Variants in FBN2 observed in about 807,000 individuals in gnomAD.
The protein encoded by FBN2 is fibrillin 2, also known as fibrillin-2.
FBN2 carries 105 observed loss-of-function variants against 355.6 expected under a neutral mutation model. That is an observed-to-expected ratio of 0.30 (90% CI 0.25 to 0.35). FBN2 has a LOEUF of 0.35. Among genes scored for constraint, FBN2 ranks in the 10% least tolerant of loss-of-function variants. The probability of loss-of-function intolerance (pLI) is 1.00; values close to 1 mark genes in which losing one functional copy is unlikely to be tolerated. For synonymous variants in FBN2, 1,350 were observed against 1,301.2 expected, an observed-to-expected ratio of 1.04 and a Z score of -0.81; for missense variants, 3,280 against 3,758.7, an observed-to-expected ratio of 0.87 and a Z score of 3.33.
At chr5:128,271,171 A>G (rs946236495) in intron 62 of FBN2, among the ~76,000 whole-genome samples, 3 of 152,218 alleles carry the variant, frequency 2.0e-5, no homozygotes, top group African/African-American at 4.8e-5. Flanking sequence ...CAATAATTCA[A>G]TATGTGAATA....
intron 5 of FBN2, among the ~76,000 whole-genome samples, chr5:128,472,505 C>T (rs1465991917): frequency 4.6e-5 from 7 of 152,010 alleles, no homozygotes; most frequent in Non-Finnish European, 8.8e-5. Context: ...AAAATGATTA[C>T]GACAGGCTGG....
chr5:128,377,685 A>T, intron 13 of FBN2, 67 bp downstream of exon 13: 1 of 1,531,756 alleles, frequency 6.5e-7, no homozygotes, highest in East Asian at 2.3e-5. Flanking sequence ...TGGAAATAGT[A>T]CATGGTTCTA....
intron 7 of FBN2, among the ~76,000 whole-genome samples, chr5:128,413,370 G>A (rs1753117748): frequency 6.6e-6 from 1 of 152,030 alleles, no homozygotes; most frequent in Admixed American, 6.6e-5. Flanking sequence ...GGAGGAAGGA[G>A]GAAGAATGTG....
chr5:128,418,065 T>C (rs972882937), intron 7 of FBN2, among the ~76,000 whole-genome samples: 9 of 152,178 alleles, frequency 5.9e-5, no homozygotes, highest in African/African-American at 2.2e-4. Context: ...AGGCTGTATG[T>C]GTCCACAGAT....
intron 28 of FBN2, 151 bp downstream of exon 28, chr5:128,335,837 C>G (rs1750821998): frequency 2.3e-6 from 2 of 877,536 alleles, no homozygotes; most frequent in Admixed American, 4.0e-5. Context: ...GAGTCTGCTG[C>G]AAGATCACAC....
chr5:128,316,364 CA>C (rs1254376069), intron 36 of FBN2, among the ~76,000 whole-genome samples: 1 of 152,088 alleles, frequency 6.6e-6, no homozygotes, highest in East Asian at 1.9e-4. Context: ...AAAGGAAAAA[CA>C]AGATCTCTTA....
chr5:128,316,001 T>C lies in FBN2; in HGVS notation c.4717+2148A>G, dbSNP rs189141941. ...AAAAGAGCTGCTCTCTGTCTCTTTG[T>C]AGTTACCTGACTCAACTTCATTTTT... On this transcript the variant is annotated intron_variant, in intron 36 of 64. Transcript: ENST00000262464. 6.6e-5 allele frequency among the ~76,000 whole-genome samples: 10 copies of C among 152,330 alleles called. No individual in the cohort carries two copies. The East Asian group carries it at 1.9e-3, about 29-fold the overall frequency.
At chr5:128,419,906 G>A (rs886539107) in intron 7 of FBN2, among the ~76,000 whole-genome samples, 1 of 152,074 alleles carries the variant, frequency 6.6e-6, no homozygotes, top group African/African-American at 2.4e-5. Context: ...TGTTGGTCAG[G>A]CTGGTCTCAA....
chr5:128,341,098 G>T (rs532878501), intron 25 of FBN2, among the ~76,000 whole-genome samples: 1 of 152,146 alleles, frequency 6.6e-6, no homozygotes, highest in African/African-American at 2.4e-5. Context: ...GGAGGAGACC[G>T]GCCCTTCCTG....
At chr5:128,422,745 A>G (rs78741156) in intron 7 of FBN2, among the ~76,000 whole-genome samples, 149 of 152,290 alleles carry the variant, frequency 9.8e-4, no homozygotes, top group African/African-American at 3.3e-3. Context: ...TCTTCTCAAG[A>G]GAGTAAAACA....
At chr5:128,300,173 C>T (rs925856613) in intron 48 of FBN2, among the ~76,000 whole-genome samples, 7 of 152,094 alleles carry the variant, frequency 4.6e-5, no homozygotes, top group African/African-American at 1.4e-4. Flanking sequence ...AGAAAAACCA[C>T]ACTAAAATGC....
chr5:128,429,560 G>A (rs1318024689), intron 7 of FBN2, among the ~76,000 whole-genome samples: 1 of 151,876 alleles, frequency 6.6e-6, no homozygotes, highest in Admixed American at 6.6e-5. Context: ...TGGCATAAAG[G>A]ATCTATACAC....
chr5:128,263,764 A>G, intron 62 of FBN2, 108 bp from the exon 63 acceptor site: 1 of 702,448 alleles, frequency 1.4e-6, no homozygotes, highest in East Asian at 2.7e-5. Flanking sequence ...AAATAACTCT[A>G]ACACAGTATT....
intron 6 of FBN2, among the ~76,000 whole-genome samples, chr5:128,462,649 T>C (rs1754588572): frequency 6.6e-6 from 1 of 152,142 alleles, no homozygotes; most frequent in African/African-American, 2.4e-5. Context: ...TAAAGGACAT[T>C]CAGAAAGTTT....
rs1195497925 is a variant in FBN2, at chr5:128,257,918, A to G, written c.*1537T>C. The G allele has an allele frequency of 6.6e-6, 1 of 152,618 alleles. No individual in the cohort carries two copies. 9.5% of individuals were successfully genotyped at this position (152,618 alleles called of 1,614,324 possible). A position where few individuals can be genotyped will look rare whatever the true frequency, so the allele number is the denominator to read the frequency against. On this transcript the variant is annotated 3_prime_UTR_variant, in exon 65 of 65. Transcript: ENST00000262464. ...TTTTCAGTCAGAAAAATACCCCAAA[A>G]TAAGCTTTATTGCAAGAAAAGTGTC...
intron 7 of FBN2, among the ~76,000 whole-genome samples, chr5:128,432,164 A>G (rs1753645269): frequency 6.6e-6 from 1 of 152,174 alleles, no homozygotes; most frequent in African/African-American, 2.4e-5. Context: ...ATTTAATATG[A>G]ACTTTGGGAT....
At chr5:128,270,859 A>C (rs2126802708) in intron 62 of FBN2, among the ~76,000 whole-genome samples, 1 of 152,326 alleles carries the variant, frequency 6.6e-6, no homozygotes, top group African/African-American at 2.4e-5. Context: ...TTTTCTATGA[A>C]GAGGAAAAAA....
intron 55 of FBN2, among the ~76,000 whole-genome samples, chr5:128,280,960 C>A (rs1219139745): frequency 6.6e-6 from 1 of 152,080 alleles, no homozygotes; most frequent in African/African-American, 2.4e-5. Flanking sequence ...AGGTTTCTTT[C>A]AAAGCTGTGT....
chr5:128,336,683 C>T (rs542603985), intron 27 of FBN2, among the ~76,000 whole-genome samples: 5 of 152,060 alleles, frequency 3.3e-5, no homozygotes, highest in Non-Finnish European at 7.4e-5. Flanking sequence ...TTTTGTGTGT[C>T]GGGATAGTAA....
Sources: gnomAD v4.1 joint callset for allele counts (sites outside exome capture counted in the v4.1 genomes callset) on GRCh38, gnomAD v4.1.1 for gene constraint, MANE v1.5 for transcripts, NCBI Gene and HGNC (gene_info 2026-07-23, HGNC 2026-07-21) for gene names.